Variants in UPRT observed in about 807,000 individuals in gnomAD.
UPRT encodes the protein uracil phosphoribosyltransferase homolog, also known as RP11-311P8.3.
UPRT carries 5 observed loss-of-function variants against 22.6 expected under a neutral mutation model. That is an observed-to-expected ratio of 0.22 (90% CI 0.12 to 0.47). The LOEUF is 0.47. Among genes scored for constraint, UPRT ranks in the 20% least tolerant of loss-of-function variants. The pLI, the probability that UPRT is intolerant of heterozygous loss-of-function variation, is 0.99. For missense variants in UPRT, 181 were observed against 239.9 expected (o/e 0.75, Z 1.62); for synonymous variants, 77 against 87.7 (o/e 0.88, Z 0.68).
chrX:75,249,216 C>A lies in UPRT; in HGVS notation c.-446-41808C>A, dbSNP rs184575415. On this transcript the variant is annotated intron_variant, in intron 4 of 13. Coordinates refer to the UPRT transcript ENST00000652605. The stretch of plus-strand genomic sequence containing the variant: ...CAAATTCACACATAACAATATTAAC[C>A]TTAAATGTAAATGGGCTAAATGCTC... 3.0e-4 allele frequency among the ~76,000 whole-genome samples: 33 copies of A among 111,467 alleles called. No homozygotes were observed. In the East Asian group the frequency reaches 8.5e-3, roughly 29 times the overall value.
Position 75,297,484 on chromosome X carries a change from C to T in UPRT, c.500-7C>T, listed in dbSNP as rs1275613541. The T allele has an allele frequency of 1.7e-6, 2 of 1,207,913 alleles. No individual in the cohort carries two copies. Among genetic ancestry groups the T allele is most frequent in the Non-Finnish European group, 2.2e-6 (2 of 893,548 alleles). On this transcript the variant is annotated splice_polypyrimidine_tract_variant and splice_region_variant and intron_variant, in intron 3 of 6. Coordinates refer to ENST00000373383, the MANE Select transcript of UPRT (RefSeq NM_145052.4). ...AAGATAAATTCTTTGGTTTTATTTC[C>T]TAACAGGGTACAAGTATGAAGGAGT...
chrX:75,258,526 G>T (rs1412094024), intron 4 of UPRT, among the ~76,000 whole-genome samples: 1 of 111,517 alleles, frequency 9.0e-6, no homozygotes, highest in Non-Finnish European at 1.9e-5. Flanking sequence ...ACTGGGTGGA[G>T]CCAATGGCAG....
intron 4 of UPRT, among the ~76,000 whole-genome samples, chrX:75,235,520 T>G (rs942269000): frequency 3.6e-5 from 4 of 111,688 alleles, no homozygotes; most frequent in African/African-American, 1.3e-4. Context: ...TTGAATATCC[T>G]TGATGAACAT....
chrX:75,199,188 TA>T (rs1159743904), intron 4 of UPRT, among the ~76,000 whole-genome samples: 2 of 111,860 alleles, frequency 1.8e-5, no homozygotes, highest in African/African-American at 6.5e-5. Flanking sequence ...AACATACTGA[TA>T]CACAAGCCAG....
chrX:75,194,101 T>C (rs180911310), intron 4 of UPRT, among the ~76,000 whole-genome samples: 28 of 112,055 alleles, frequency 2.5e-4, no homozygotes, highest in African/African-American at 8.7e-4. Context: ...TTTCCTTTAA[T>C]CTTAGAAGTT....
At chrX:75,250,882 C>G in intron 4 of UPRT, among the ~76,000 whole-genome samples, 1 of 111,926 alleles carries the variant, frequency 8.9e-6, no homozygotes, top group Non-Finnish European at 1.9e-5. Context: ...TGGGCTTCAT[C>G]CCTGGGATGC....
At chrX:75,215,532 G>T (rs768881288) in intron 4 of UPRT, among the ~76,000 whole-genome samples, 2 of 111,095 alleles carry the variant, frequency 1.8e-5, no homozygotes, top group East Asian at 5.6e-4. Context: ...TGAAAGAGGG[G>T]ACATCACTAA....
At chrX:75,254,657 C>T (rs1052775661) in intron 4 of UPRT, among the ~76,000 whole-genome samples, 6 of 110,901 alleles carry the variant, frequency 5.4e-5, no homozygotes, top group African/African-American at 2.0e-4. Context: ...CTTAGACATC[C>T]AAATACAAGA....
At chrX:75,283,438 G>A (rs772691419) in intron 1 of UPRT, among the ~76,000 whole-genome samples, 12 of 111,227 alleles carry the variant, frequency 1.1e-4, no homozygotes, top group Non-Finnish European at 2.3e-4. Context: ...GTGTTTCCAG[G>A]ATTTGTTTCA....
intron 4 of UPRT, among the ~76,000 whole-genome samples, chrX:75,218,245 C>A (rs2082399328): frequency 9.0e-6 from 1 of 111,119 alleles, no homozygotes; most frequent in African/African-American, 3.3e-5. Flanking sequence ...ACAGACACTT[C>A]TCAAAAGAAG....
chrX:75,158,558 A>G (rs1340278198), intron 1 of UPRT, among the ~76,000 whole-genome samples: 1 of 111,631 alleles, frequency 9.0e-6, no homozygotes, highest in East Asian at 2.8e-4. Flanking sequence ...CCACAGAGCT[A>G]ATGGGATGGA....
intron 4 of UPRT, among the ~76,000 whole-genome samples, chrX:75,263,177 CTCT>C (rs1161206251): frequency 1.8e-5 from 2 of 111,744 alleles, no homozygotes; most frequent in African/African-American, 6.5e-5. Context: ...GTCTAAAATT[CTCT>C]TTTTTTTGTT....
intron 4 of UPRT, among the ~76,000 whole-genome samples, chrX:75,230,276 T>C (rs987062331): frequency 3.6e-5 from 4 of 110,242 alleles, no homozygotes; most frequent in African/African-American, 1.3e-4. Flanking sequence ...TCAGGGAGAG[T>C]CTGATCTCAG....
chrX:75,217,300 T>C (rs1245546210), intron 4 of UPRT, among the ~76,000 whole-genome samples: 2 of 111,291 alleles, frequency 1.8e-5, no homozygotes, highest in Admixed American at 1.9e-4. Flanking sequence ...TCTTTTTTGG[T>C]TCCATATGAA....
chrX:75,190,036 A>G (rs2082309309), intron 4 of UPRT, among the ~76,000 whole-genome samples: 1 of 111,319 alleles, frequency 9.0e-6, no homozygotes, highest in Non-Finnish European at 1.9e-5. Flanking sequence ...TTAGCTAGTT[A>G]TTTTGCTCAT....
At chrX:75,281,815 T>C (rs1408494835) in intron 1 of UPRT, among the ~76,000 whole-genome samples, 1 of 111,688 alleles carries the variant, frequency 9.0e-6, no homozygotes, top group Non-Finnish European at 1.9e-5. Flanking sequence ...TTCTCTGTCT[T>C]GTGGAATAGT....
chrX:75,302,911 AT>A (rs915384314), intron 6 of UPRT, among the ~76,000 whole-genome samples: 2 of 108,813 alleles, frequency 1.8e-5, no homozygotes, highest in East Asian at 2.9e-4. Flanking sequence ...TTCCTCTTTA[AT>A]TTTTTTTTAA....
chrX:75,293,436 C>G (rs1277202880), intron 1 of UPRT, 36 bp from the exon 2 acceptor site: 4 of 1,180,550 alleles, frequency 3.4e-6, no homozygotes, highest in Non-Finnish European at 4.6e-6. Context: ...CCTTAAAGCT[C>G]TAATTTAGAC....
intron 4 of UPRT, among the ~76,000 whole-genome samples, chrX:75,173,629 T>G (rs1338544194): frequency 8.9e-6 from 1 of 112,654 alleles, no homozygotes; most frequent in East Asian, 2.8e-4. Context: ...TCGATGGGAC[T>G]GGGTGCCATG....
Sources: gnomAD v4.1 joint callset for allele counts (sites outside exome capture counted in the v4.1 genomes callset) on GRCh38, gnomAD v4.1.1 for gene constraint, MANE v1.5 for transcripts, NCBI Gene and HGNC (gene_info 2026-07-23, HGNC 2026-07-21) for gene names.